The following BCL2 variants were observed in gnomAD, a reference collection of about 807,000 sequenced individuals.
The protein encoded by BCL2 is BCL2 apoptosis regulator.
In BCL2, 1 loss-of-function variant was observed where a neutral mutation model predicts 14.2. The observed-to-expected ratio is 0.07, with a 90% CI of 0.02 to 0.33. BCL2 has a LOEUF of 0.33. Ranked by LOEUF, BCL2 falls within the 10% of genes least tolerant of loss-of-function variation. The probability of loss-of-function intolerance (pLI) is 0.99; values close to 1 mark genes in which losing one functional copy is unlikely to be tolerated. For missense variants in BCL2, 247 were observed against 305.9 expected (o/e 0.81, Z 1.44); for synonymous variants, 151 against 137.2 (o/e 1.10, Z -0.70).
chr18:63,173,341 G>C (rs1294184467), intron 2 of BCL2, among the ~76,000 whole-genome samples: 1 of 151,840 alleles, frequency 6.6e-6, no homozygotes, highest in African/African-American at 2.4e-5. Context: ...ATACACACAA[G>C]CCAAAAACAC....
chr18:63,278,094 T>G (rs1912208227), intron 2 of BCL2, among the ~76,000 whole-genome samples: 1 of 152,242 alleles, frequency 6.6e-6, no homozygotes, highest in South Asian at 2.1e-4. Flanking sequence ...CTTTCCTTAT[T>G]CTTTTCTTCA....
At chr18:63,308,718 T>G (rs1913216669) in intron 2 of BCL2, among the ~76,000 whole-genome samples, 1 of 152,188 alleles carries the variant, frequency 6.6e-6, no homozygotes, top group Non-Finnish European at 1.5e-5. Context: ...TCATTTCTAT[T>G]AAATATTAAT....
In BCL2 at chr18:63,126,819, T is replaced by C. The variant is rs1346184531; in HGVS notation, c.*1806A>G. The C allele has an allele frequency of 8.7e-6, 2 of 228,738 alleles. No individual in the cohort carries two copies. The highest frequency in any genetic ancestry group is 1.7e-5 in the Non-Finnish European group (2 of 115,088). 14.2% of individuals were successfully genotyped at this position (228,738 alleles called of 1,614,324 possible). A position where few individuals can be genotyped will look rare whatever the true frequency, so the allele number is the denominator to read the frequency against. Reference sequence around the variant, plus strand: ...AAACGCTGAGATGCATGTATTTTTTTAAAGCAGCTTTCGAAATATCAACCA... The same window carrying C: ...AAACGCTGAGATGCATGTATTTTTTCAAAGCAGCTTTCGAAATATCAACCA... On this transcript the variant is annotated 3_prime_UTR_variant, in exon 3 of 3. Transcript: ENST00000333681.
chr18:63,163,478 C>G (rs1305799537), intron 2 of BCL2, among the ~76,000 whole-genome samples: 1 of 152,140 alleles, frequency 6.6e-6, no homozygotes, highest in African/African-American at 2.4e-5. Context: ...ATGAAGCAAC[C>G]TTTAGATTGA....
intron 2 of BCL2, among the ~76,000 whole-genome samples, chr18:63,260,321 C>T (rs925472988): frequency 6.6e-6 from 1 of 152,168 alleles, no homozygotes; most frequent in Non-Finnish European, 1.5e-5. Context: ...AGTTCCCTAG[C>T]AACATAACCA....
chr18:63,298,867 C>G lies in BCL2; in HGVS notation c.585+19215G>C, dbSNP rs146090847. 2.0e-4 allele frequency among the ~76,000 whole-genome samples: 31 copies of G among 152,196 alleles called. No homozygotes were observed. In the East Asian group the frequency reaches 5.8e-3, roughly 28 times the overall value. On this transcript the variant is annotated intron_variant, in intron 2 of 2. Transcript: ENST00000333681. ...ATCCTGCCACCACTTAGGTTTGCCC[C>G]GAGTCATCACTTCTGGGGCCTTGAA...
At chr18:63,300,320 G>A (rs1288304056) in intron 2 of BCL2, among the ~76,000 whole-genome samples, 3 of 152,002 alleles carry the variant, frequency 2.0e-5, no homozygotes, top group Non-Finnish European at 4.4e-5. Flanking sequence ...AAACGCCCCT[G>A]AAGGTCTCTC....
chr18:63,225,256 C>A (rs1014009452), intron 2 of BCL2, among the ~76,000 whole-genome samples: 4 of 152,018 alleles, frequency 2.6e-5, no homozygotes, highest in African/African-American at 9.7e-5. Context: ...GGCTGATTTA[C>A]CCCCAAATTG....
At chr18:63,139,235 C>G (rs1420177745) in intron 2 of BCL2, among the ~76,000 whole-genome samples, 3 of 152,264 alleles carry the variant, frequency 2.0e-5, no homozygotes, top group Non-Finnish European at 2.9e-5. Context: ...TCCAGTAATT[C>G]AAAAGACGTA....
chr18:63,194,850 A>C (rs1015227169), intron 2 of BCL2, among the ~76,000 whole-genome samples: 1 of 152,202 alleles, frequency 6.6e-6, no homozygotes, highest in African/African-American at 2.4e-5. Flanking sequence ...GGAGAGCAGG[A>C]ACCATGGCGT....
intron 2 of BCL2, among the ~76,000 whole-genome samples, chr18:63,192,899 A>G (rs1476295356): frequency 1.3e-5 from 2 of 152,196 alleles, no homozygotes; most frequent in Non-Finnish European, 2.9e-5. Flanking sequence ...AATATTTTCA[A>G]TATCTTTGAA....
chr18:63,203,869 T>C (rs778344933), intron 2 of BCL2, among the ~76,000 whole-genome samples: 1 of 152,250 alleles, frequency 6.6e-6, no homozygotes, highest in Non-Finnish European at 1.5e-5. Context: ...CACATTACTT[T>C]ACTCAAAATT....
chr18:63,124,464 TG>T lies in BCL2; in HGVS notation c.*4160del, dbSNP rs1913856782. 1 of 231,700 alleles carries T rather than the reference TG, an allele frequency of 4.3e-6. No homozygotes were observed. The allele number at this position is 231,700 out of a possible 1,614,324, so 14.4% of individuals were successfully genotyped here. ...CACAAACTTCAAAATGTTTCTCATT[TG>T]TCACACAAGGTTCTTCGCAGAGGCA... On this transcript the variant is annotated 3_prime_UTR_variant, in exon 3 of 3. Coordinates refer to ENST00000333681, the MANE Select transcript of BCL2 (RefSeq NM_000633.3).
chr18:63,136,577 G>A (rs1239587892), intron 2 of BCL2, among the ~76,000 whole-genome samples: 5 of 152,170 alleles, frequency 3.3e-5, no homozygotes, highest in Non-Finnish European at 1.5e-5. Context: ...GAGCAGGGAA[G>A]GGAGAGAAAA....
At chr18:63,151,474 G>A (rs1208981486) in intron 2 of BCL2, among the ~76,000 whole-genome samples, 2 of 142,530 alleles carry the variant, frequency 1.4e-5, no homozygotes, top group African/African-American at 5.1e-5. Flanking sequence ...CAGGCAAGGG[G>A]GGCGATAATA....
At chr18:63,198,970 G>GACACAGAGACACACACAGAC (rs1599239628) in intron 2 of BCL2, among the ~76,000 whole-genome samples, 3 of 100,550 alleles carry the variant, frequency 3.0e-5, no homozygotes, top group East Asian at 6.3e-4. Context: ...GACACACACT[G>GACACAGAGACACACACAGAC]ACACACAGAC....
chr18:63,253,940 C>A (rs763286467), intron 2 of BCL2, among the ~76,000 whole-genome samples: 1 of 147,526 alleles, frequency 6.8e-6, no homozygotes, highest in Non-Finnish European at 1.5e-5. Flanking sequence ...CTAAGCATTT[C>A]TCTCTTATCG....
At chr18:63,193,150 T>G (rs933136559) in intron 2 of BCL2, among the ~76,000 whole-genome samples, 1 of 152,214 alleles carries the variant, frequency 6.6e-6, no homozygotes, top group Admixed American at 6.5e-5. Context: ...AGGTATTCCA[T>G]GGAAGATGCC....
At chr18:63,302,632 A>G (rs1232731444) in intron 2 of BCL2, 4 of 985,022 alleles carry the variant, frequency 4.1e-6, no homozygotes, top group African/African-American at 1.7e-5. Context: ...TATTCTGCAC[A>G]TGAATTCAGA....
Sources: allele counts gnomAD v4.1 joint callset (sites outside exome capture counted in the v4.1 genomes callset), GRCh38; gene constraint gnomAD v4.1.1; transcripts MANE v1.5; gene names NCBI Gene and HGNC (gene_info 2026-07-23, HGNC 2026-07-21).